MLXIPL: variants seen among roughly 807,000 people sequenced by gnomAD.
MLXIPL encodes carbohydrate-responsive element-binding protein.
MLXIPL carries 49 observed loss-of-function variants against 81.5 expected under a neutral mutation model. That is an observed-to-expected ratio of 0.60 (90% CI 0.48 to 0.76). The LOEUF (loss-of-function observed/expected upper bound fraction) is 0.76. MLXIPL is among the 30% of genes least tolerant of loss of function. The pLI, the probability that MLXIPL is intolerant of heterozygous loss-of-function variation, is 0.00. For synonymous variants in MLXIPL, 466 were observed against 485.5 expected, an observed-to-expected ratio of 0.96 and a Z score of 0.53; for missense variants, 1,053 against 1,167.0, an observed-to-expected ratio of 0.90 and a Z score of 1.42.
chr7:73,612,385 A>C (rs550939287), intron 2 of MLXIPL, among the ~76,000 whole-genome samples: 10 of 152,162 alleles, frequency 6.6e-5, no homozygotes, highest in Admixed American at 5.9e-4. Flanking sequence ...TCACGCCTGT[A>C]ATCCCAGCAC....
chr7:73,641,068 G>A, the MLXIPL span, among the ~76,000 whole-genome samples: 87 of 152,124 alleles, frequency 5.7e-4, no homozygotes, highest in Non-Finnish European at 1.1e-3. Context: ...TTGGGAGGCC[G>A]AGGCAGGAGG....
In MLXIPL at chr7:73,623,416, G is replaced by C. The variant is rs1469522989; in HGVS notation, c.293+784C>G. On this transcript the variant is annotated intron_variant, in intron 1 of 16. Transcript: ENST00000313375. This position sits in a 1 kb window ranked among gnomAD's most constrained non-coding sequence, Gnocchi z 5.7. The stretch of plus-strand genomic sequence containing the variant: ...GCCTCGGGTTCGCGCCCTCCTCTGG[G>C]ACGCGGGGCGTGGAGCGGCAGCGGG... Among the ~76,000 whole-genome samples the C allele has an allele frequency of 6.6e-6, 1 of 152,066 alleles. No homozygotes were observed. Among genetic ancestry groups the C allele is most frequent in the Non-Finnish European group, 1.5e-5 (1 of 68,028 alleles).
intron 16 of MLXIPL, 134 bp downstream of exon 16, chr7:73,594,140 T>C (rs1794072728): frequency 1.4e-6 from 2 of 1,471,954 alleles, no homozygotes; most frequent in African/African-American, 1.4e-5. Flanking sequence ...CAGAGGACCA[T>C]CTGGGGGATG....
chr7:73,612,200 G>A (rs528558002), intron 2 of MLXIPL, among the ~76,000 whole-genome samples: 44 of 152,046 alleles, frequency 2.9e-4, no homozygotes, highest in African/African-American at 6.0e-4. Context: ...GTGTGGGGGC[G>A]CATGCCTGTA....
rs1391854782 is a variant in MLXIPL at position 73,616,237 on chromosome 7, C to T, written c.294-60G>A. 9.8e-5 allele frequency: 136 copies of T among 1,382,336 alleles called. 1 individual carries two copies. The highest frequency in any genetic ancestry group is 1.2e-4 in the Non-Finnish European group (120 of 971,186). 85.6% of individuals were successfully genotyped at this position (1,382,336 alleles called of 1,614,324 possible). On this transcript the variant is annotated intron_variant, in intron 1 of 16. Coordinates refer to ENST00000313375, the MANE Select transcript of MLXIPL (RefSeq NM_032951.3). ...GCAGTGCTGCCACAGAGGCTGGTCC[C>T]CATATTCCCCATGCACTAGGCATCC...
intron 2 of MLXIPL, among the ~76,000 whole-genome samples, chr7:73,612,558 C>T (rs1194644707): frequency 5.3e-5 from 8 of 151,450 alleles, no homozygotes; most frequent in South Asian, 2.1e-4. Context: ...AGGAGAATCG[C>T]TTGAACCCCG....
chr7:73,618,366 G>A (rs1465104847), intron 1 of MLXIPL, among the ~76,000 whole-genome samples: 1 of 152,202 alleles, frequency 6.6e-6, no homozygotes, highest in Non-Finnish European at 1.5e-5. Context: ...CAAAGTGCTG[G>A]GATGACAGGC....
intron 1 of MLXIPL, among the ~76,000 whole-genome samples, chr7:73,619,112 C>A (rs1245558374): frequency 6.6e-6 from 1 of 151,840 alleles, no homozygotes; most frequent in East Asian, 1.9e-4. Context: ...CTGTAGGAGG[C>A]CAGGAGTTTG....
At position 73,594,258 on chromosome 7, in the gene MLXIPL, G is replaced by A. The variant is rs369238966; in HGVS notation, c.2440+16C>T. ...AGGCTGGGTCCCTCTAGCAGGCAGG[G>A]AGATGGCTCACGTACTTGGCCGGAG... On this transcript the variant is annotated intron_variant, in intron 16 of 16. Transcript: ENST00000313375. 6 of 1,611,308 alleles carry A rather than the reference G, an allele frequency of 3.7e-6. No individual in the cohort carries two copies. The African/African-American group carries it at 8.0e-5, about 22-fold the overall frequency.
intron 2 of MLXIPL, among the ~76,000 whole-genome samples, chr7:73,615,264 C>A (rs555179601): frequency 2.0e-5 from 3 of 152,304 alleles, no homozygotes; most frequent in African/African-American, 7.2e-5. Context: ...TGGATCCCCT[C>A]TGCCCAATTG....
chr7:73,613,312 C>T (rs1313271987), intron 2 of MLXIPL, among the ~76,000 whole-genome samples: 4 of 152,006 alleles, frequency 2.6e-5, no homozygotes, highest in Admixed American at 2.6e-4. Flanking sequence ...GAAATAGGAC[C>T]TATTGGCCGG....
the MLXIPL span, among the ~76,000 whole-genome samples, chr7:73,635,338 A>C: frequency 3.0e-4 from 45 of 152,228 alleles, 1 homozygote; most frequent in South Asian, 8.3e-3. Flanking sequence ...AGCAGGGTAG[A>C]GATCAAGTGA....
intron 7 of MLXIPL, among the ~76,000 whole-genome samples, chr7:73,601,513 A>C (rs1008067733): frequency 6.6e-6 from 1 of 151,996 alleles, no homozygotes; most frequent in Admixed American, 6.6e-5. Context: ...AGAGAATGCC[A>C]GGGTGGGAAA....
chr7:73,643,687 A>G, the MLXIPL span, among the ~76,000 whole-genome samples: 24,002 of 152,078 alleles, frequency 0.16, 2,174 homozygotes, highest in African/African-American at 0.25. Flanking sequence ...CCTTGCAAAC[A>G]TCATGTGTCA....
At position 73,623,542 on chromosome 7, in the gene MLXIPL, G is replaced by A. The variant is rs1212007298; in HGVS notation, c.293+658C>T. On this transcript the variant is annotated intron_variant, in intron 1 of 16. Coordinates refer to ENST00000313375, the MANE Select transcript of MLXIPL (RefSeq NM_032951.3). This position sits in a 1 kb window ranked among gnomAD's most constrained non-coding sequence, Gnocchi z 5.7. Reference sequence around the variant, plus strand: ...GTGGGTAGGCGAACCCAGGCCTCCCGGGCACCGGCGTAACCTCTGCGAGCT... The same window carrying A: ...GTGGGTAGGCGAACCCAGGCCTCCCAGGCACCGGCGTAACCTCTGCGAGCT... 4.6e-5 allele frequency among the ~76,000 whole-genome samples: 7 copies of A among 152,168 alleles called. No homozygotes were observed. Among genetic ancestry groups the A allele is most frequent in the African/African-American group, 1.7e-4 (7 of 41,442 alleles).
At chr7:73,645,004 G>C in the MLXIPL span, among the ~76,000 whole-genome samples, 1 of 152,082 alleles carries the variant, frequency 6.6e-6, no homozygotes, top group Non-Finnish European at 1.5e-5. Flanking sequence ...GCTAGCAGGG[G>C]GTGGCCTGGG....
At position 73,595,778 on chromosome 7, in the gene MLXIPL, G is replaced by A; in HGVS notation, c.2187-18C>T. On this transcript the variant is annotated intron_variant, in intron 14 of 16. Coordinates refer to ENST00000313375, the MANE Select transcript of MLXIPL (RefSeq NM_032951.3). The stretch of plus-strand genomic sequence containing the variant: ...GGCACAGGCTGGGGGCAGGGCAGGG[G>A]TCAGGGGCTGGGGGTAAGGCGGCAT... 2 of 1,581,520 alleles carry A rather than the reference G, an allele frequency of 1.3e-6. No individual in the cohort carries two copies. The highest frequency in any genetic ancestry group is 1.3e-5 in the African/African-American group (1 of 74,286).
chr7:73,637,833 G>A, the MLXIPL span, among the ~76,000 whole-genome samples: 1 of 152,222 alleles, frequency 6.6e-6, no homozygotes, highest in African/African-American at 2.4e-5. Context: ...GGCAGGGTGA[G>A]AGGTCGGGTC....
chr7:73,616,205 G>A (rs1554600746), intron 1 of MLXIPL, 28 bp from the exon 2 acceptor site: 2 of 1,552,410 alleles, frequency 1.3e-6, no homozygotes. Flanking sequence ...AGTAGGGTTA[G>A]GGAGATGCAG....
Sources: allele counts gnomAD v4.1 joint callset (sites outside exome capture counted in the v4.1 genomes callset), GRCh38; gene constraint gnomAD v4.1.1; non-coding constraint Gnocchi (gnomAD v3.1); transcripts MANE v1.5; gene names NCBI Gene and HGNC (gene_info 2026-07-23, HGNC 2026-07-21).